The following NDUFS4 variants were observed in gnomAD, a reference collection of about 807,000 sequenced individuals.
NDUFS4 encodes the protein NADH dehydrogenase [ubiquinone] iron-sulfur protein 4, mitochondrial.
In NDUFS4, 28 loss-of-function variants were observed where a neutral mutation model predicts 24.3. That is an observed-to-expected ratio of 1.15 (90% CI 0.85 to 1.58). The LOEUF (loss-of-function observed/expected upper bound fraction) is 1.58, where lower values mean the gene tolerates loss of function less well. Among genes scored for constraint, NDUFS4 ranks in the 40% most tolerant of loss-of-function variants. The probability of loss-of-function intolerance (pLI) is 0.00; values close to 1 mark genes in which losing one functional copy is unlikely to be tolerated. For synonymous variants in NDUFS4, 93 were observed against 69.7 expected, an observed-to-expected ratio of 1.34 and a Z score of -1.67; for missense variants, 223 against 207.9, an observed-to-expected ratio of 1.07 and a Z score of -0.45.
intron 2 of NDUFS4, among the ~76,000 whole-genome samples, chr5:53,637,705 A>G (rs1346108753): frequency 6.6e-6 from 1 of 152,184 alleles, no homozygotes; most frequent in African/African-American, 2.4e-5. Flanking sequence ...AATTATCCTC[A>G]TTAGTTCATT....
chr5:53,666,870 G>A (rs751852692), intron 4 of NDUFS4, among the ~76,000 whole-genome samples: 1 of 152,124 alleles, frequency 6.6e-6, no homozygotes, highest in Non-Finnish European at 1.5e-5. Flanking sequence ...CAAGGTGGAG[G>A]TTGCAGTGAG....
chr5:53,626,611 T>G (rs1307604799), intron 2 of NDUFS4, among the ~76,000 whole-genome samples: 1 of 152,234 alleles, frequency 6.6e-6, no homozygotes, highest in East Asian at 1.9e-4. Flanking sequence ...TGGTTTTGAT[T>G]TGCATTTCTC....
intron 2 of NDUFS4, among the ~76,000 whole-genome samples, chr5:53,624,461 A>T (rs1378219193): frequency 6.6e-6 from 1 of 152,214 alleles, no homozygotes; most frequent in Non-Finnish European, 1.5e-5. Flanking sequence ...TGATGTTTCC[A>T]GTTGATGAAC....
At chr5:53,569,045 T>C (rs1749131140) in intron 1 of NDUFS4, among the ~76,000 whole-genome samples, 1 of 152,206 alleles carries the variant, frequency 6.6e-6, no homozygotes, top group Non-Finnish European at 1.5e-5. Flanking sequence ...GCAAGCCATA[T>C]GCTTCTCCTA....
At chr5:53,567,286 ATC>A (rs1484327026) in intron 1 of NDUFS4, among the ~76,000 whole-genome samples, 1 of 152,224 alleles carries the variant, frequency 6.6e-6, no homozygotes, top group African/African-American at 2.4e-5. Flanking sequence ...TCTGGTAATA[ATC>A]AGTTCAAACC....
intron 2 of NDUFS4, among the ~76,000 whole-genome samples, chr5:53,618,942 C>T (rs748579420): frequency 1.3e-5 from 2 of 150,750 alleles, no homozygotes; most frequent in African/African-American, 2.4e-5. Flanking sequence ...GGTGAAACCC[C>T]GTCCCTACTA....
At chr5:53,626,821 A>T (rs1368446621) in intron 2 of NDUFS4, among the ~76,000 whole-genome samples, 1 of 151,952 alleles carries the variant, frequency 6.6e-6, no homozygotes, top group African/African-American at 2.4e-5. Context: ...ATTTTCTCCC[A>T]TTCTGTAGGT....
intron 4 of NDUFS4, among the ~76,000 whole-genome samples, chr5:53,672,778 G>C (rs1370808931): frequency 2.0e-5 from 3 of 151,966 alleles, no homozygotes; most frequent in Non-Finnish European, 4.4e-5. Flanking sequence ...TTTTTACAAG[G>C]AATCTCTGAT....
intron 1 of NDUFS4, among the ~76,000 whole-genome samples, chr5:53,567,885 A>G (rs1348678418): frequency 6.6e-6 from 1 of 152,172 alleles, no homozygotes; most frequent in East Asian, 1.9e-4. Context: ...ACGAATAATT[A>G]TATTTAATAT....
intron 1 of NDUFS4, among the ~76,000 whole-genome samples, chr5:53,583,877 C>T (rs1024382878): frequency 2.0e-5 from 3 of 152,052 alleles, no homozygotes; most frequent in East Asian, 1.9e-4. Flanking sequence ...TGTTGCCAAC[C>T]GTGGTTGCCA....
chr5:53,657,004 TGGATATA>T (rs1160693948), intron 3 of NDUFS4, among the ~76,000 whole-genome samples: 1 of 152,152 alleles, frequency 6.6e-6, no homozygotes, highest in Non-Finnish European at 1.5e-5. Flanking sequence ...TTGGATATAT[TGGATATA>T]AGTTGTTACT....
At chr5:53,625,427 G>T (rs1395576904) in intron 2 of NDUFS4, among the ~76,000 whole-genome samples, 1 of 151,946 alleles carries the variant, frequency 6.6e-6, no homozygotes, top group African/African-American at 2.4e-5. Context: ...GGAAAATTTG[G>T]AAATTTTTCT....
intron 1 of NDUFS4, among the ~76,000 whole-genome samples, chr5:53,571,817 A>G (rs929170569): frequency 1.3e-5 from 2 of 152,190 alleles, no homozygotes; most frequent in African/African-American, 4.8e-5. Flanking sequence ...TCTAATGGCA[A>G]ATGATGTTGA....
At position 53,591,935 on chromosome 5, in the gene NDUFS4, T is replaced by TTTG. The variant is rs150255009; in HGVS notation, c.99-11502_99-11500dup. On this transcript the variant is annotated intron_variant, in intron 1 of 4. Transcript: ENST00000296684. ...GTTGTTTGTTTTCTTATTGATGAGT[T>TTTG]TTGTTGTTGTTGTTGTTTTGAGACG... Among the ~76,000 whole-genome samples the TTTG allele has an allele frequency of 9.2e-3, 1,398 of 152,080 alleles. 15 individuals are homozygous for TTTG. Among genetic ancestry groups the TTTG allele is most frequent in the African/African-American group, 0.032 (1,313 of 41,462 alleles).
intron 2 of NDUFS4, among the ~76,000 whole-genome samples, chr5:53,639,539 T>G (rs1174489072): frequency 6.6e-6 from 1 of 152,016 alleles, no homozygotes; most frequent in African/African-American, 2.4e-5. Flanking sequence ...AAAAAGATTT[T>G]GGAACCTCTT....
chr5:53,614,032 A>G (rs1416116486), intron 2 of NDUFS4, among the ~76,000 whole-genome samples: 1 of 151,996 alleles, frequency 6.6e-6, no homozygotes, highest in Non-Finnish European at 1.5e-5. Context: ...AACATGAACT[A>G]ATATTAAAAG....
chr5:53,584,185 A>G (rs1749666950), intron 1 of NDUFS4, among the ~76,000 whole-genome samples: 1 of 152,208 alleles, frequency 6.6e-6, no homozygotes, highest in Non-Finnish European at 1.5e-5. Flanking sequence ...TATTGTTTAT[A>G]TGTCTGCCTT....
At chr5:53,581,187 C>T (rs1161994974) in intron 1 of NDUFS4, among the ~76,000 whole-genome samples, 1 of 152,142 alleles carries the variant, frequency 6.6e-6, no homozygotes, top group Non-Finnish European at 1.5e-5. Context: ...TTGTCTAAGC[C>T]AGAAACCTGT....
At chr5:53,650,836 C>T (rs1751994814) in intron 3 of NDUFS4, among the ~76,000 whole-genome samples, 2 of 152,192 alleles carry the variant, frequency 1.3e-5, no homozygotes, top group Non-Finnish European at 2.9e-5. Context: ...CAAAGGTTCA[C>T]ACAATCATTA....
Sources: gnomAD v4.1 joint callset for allele counts (sites outside exome capture counted in the v4.1 genomes callset) on GRCh38, gnomAD v4.1.1 for gene constraint, MANE v1.5 for transcripts, NCBI Gene and HGNC (gene_info 2026-07-23, HGNC 2026-07-21) for gene names.